SPIB: variants seen among roughly 807,000 people sequenced by gnomAD.
The protein encoded by SPIB is Spi-B transcription factor, also known as transcription factor Spi-B.
Under a neutral mutation model 31.9 loss-of-function variants are expected in SPIB, and 7 were observed. That is an observed-to-expected ratio of 0.22 (90% CI 0.12 to 0.41). The LOEUF is 0.41. Ranked by LOEUF, SPIB falls within the 10% of genes least tolerant of loss-of-function variation. The pLI, the probability that SPIB is intolerant of heterozygous loss-of-function variation, is 1.00. For synonymous variants in SPIB, 176 were observed against 158.9 expected (o/e 1.11, Z -0.81); for missense variants, 327 against 360.2 (o/e 0.91, Z 0.75).
At position 50,428,304 on chromosome 19, in the gene SPIB, A is replaced by G. The variant is rs1394605696; in HGVS notation, c.757A>G (p.Ser253Gly). The change falls in exon 6 of 6, where the codon AGC becomes GGC. Residue 253 changes from serine (S) to glycine (G), a missense_variant. Ser to Gly is a moderately conservative substitution (Grantham distance 56). Around this residue, in one of 4 missense-constraint regions of SPIB, gnomAD observed 25 missense variants for 23.2 expected, o/e 1.08. Transcript: ENST00000595883. This position sits in a 1 kb window ranked among gnomAD's most constrained non-coding sequence, Gnocchi z 6.5. ...VKRKLTYQFD[S>G]ALLPAVRRA is the part of the protein sequence containing the mutation. The stretch of plus-strand genomic sequence containing the variant: ...GCGCAAGCTCACCTACCAGTTCGAC[A>G]GCGCGCTGCTGCCTGCAGTCCGCCG... 5 of 1,549,952 alleles carry G rather than the reference A, an allele frequency of 3.2e-6. No homozygotes were observed. The Admixed American group carries it at 5.9e-5, about 18-fold the overall frequency.
rs1484427217 is a variant in SPIB at position 50,423,327 on chromosome 19, T to G, written c.340-278T>G. The G allele has an allele frequency of 1.7e-5, 9 of 515,574 alleles. No homozygotes were observed. In the East Asian group the frequency reaches 2.8e-4, roughly 16 times the overall value. The allele number at this position is 515,574 out of a possible 1,614,324, so 31.9% of individuals were successfully genotyped here. A position where few individuals can be genotyped will look rare whatever the true frequency, so the allele number is the denominator to read the frequency against. Reference sequence around the variant, plus strand: ...GTAAGCCCTGCAGCGGCCTCCCAGGTTACGTTCCGTTGTTGCCCCTCTGAA... The same window carrying G: ...GTAAGCCCTGCAGCGGCCTCCCAGGGTACGTTCCGTTGTTGCCCCTCTGAA... On this transcript the variant is annotated intron_variant, in intron 4 of 5. Coordinates refer to ENST00000595883, the MANE Select transcript of SPIB (RefSeq NM_003121.5).
intron 5 of SPIB, among the ~76,000 whole-genome samples, chr19:50,426,325 C>G (rs762569460): frequency 6.6e-6 from 1 of 152,024 alleles, no homozygotes; most frequent in Non-Finnish European, 1.5e-5. Flanking sequence ...CATGCAGGGC[C>G]GTCAAGTAGG....
rs2039623016 is a variant in SPIB at position 50,430,158 on chromosome 19, T to TGAGG, written c.*1823_*1826dup. ...GGAACAGGACAGTAGCCTTTCCTAA[T>TGAGG]GAGGCATTTGTTCTCCAATCTGCCC... On this transcript the variant is annotated 3_prime_UTR_variant, in exon 6 of 6. Transcript: ENST00000595883. 6.6e-6 allele frequency: 1 copy of TGAGG among 152,494 alleles called. No homozygotes were observed. Among genetic ancestry groups the TGAGG allele is most frequent in the Middle Eastern group, 3.4e-3 (1 of 294 alleles). 9.4% of individuals were successfully genotyped at this position (152,494 alleles called of 1,614,324 possible). A position where few individuals can be genotyped will look rare whatever the true frequency, so the allele number is the denominator to read the frequency against.
chr19:50,422,597 T>C (rs2039510702), intron 3 of SPIB, 52 bp downstream of exon 3: 2 of 1,589,174 alleles, frequency 1.3e-6, no homozygotes, highest in Admixed American at 1.7e-5. Context: ...ATTTCACAGA[T>C]AGGGGAGCTG....
chr19:50,422,362 T>A, intron 2 of SPIB, 111 bp from the exon 3 acceptor site: 2 of 811,118 alleles, frequency 2.5e-6, no homozygotes, highest in Non-Finnish European at 4.0e-6. Flanking sequence ...CTCTCCAGCA[T>A]CCCCTCTTCT....
chr19:50,421,403 A>G (rs909820252), intron 2 of SPIB, among the ~76,000 whole-genome samples: 6 of 152,032 alleles, frequency 3.9e-5, no homozygotes, highest in Admixed American at 2.0e-4. Flanking sequence ...GCTCACTGCA[A>G]CCTCAGCCTC....
At chr19:50,425,913 A>C (rs2122553772) in intron 5 of SPIB, among the ~76,000 whole-genome samples, 1 of 152,088 alleles carries the variant, frequency 6.6e-6, no homozygotes, top group Admixed American at 6.5e-5. Flanking sequence ...AGGGGGTTTT[A>C]ATTGGTGGGT....
Position 50,422,519 on chromosome 19 carries a change from G to A in SPIB, c.98G>A (p.Ser33Asn). The change falls in exon 3 of 6, where the codon AGC (serine) becomes AAC (asparagine). Residue 33 changes from serine to asparagine, a missense_variant. Ser to Asn is a conservative substitution (Grantham distance 46). Around this residue, in one of 4 missense-constraint regions of SPIB, gnomAD observed 238 missense variants for 228.8 expected, o/e 1.04. Transcript: ENST00000595883. ...GACCTGGACAGCTGCAAGCATTCCA[G>A]CTACCCTGATTCAGAGGGGGCTCCT... The part of the protein sequence containing the change: ...FYDLDSCKHS[S>N]YPDSEGAPDS... The A allele has an allele frequency of 6.2e-7, 1 of 1,614,028 alleles. No homozygotes were observed. The highest frequency in any genetic ancestry group is 8.5e-7 in the Non-Finnish European group (1 of 1,179,966).
At chr19:50,420,784 T>G (rs892715613) in intron 2 of SPIB, among the ~76,000 whole-genome samples, 1 of 152,130 alleles carries the variant, frequency 6.6e-6, no homozygotes, top group African/African-American at 2.4e-5. Context: ...TGTGCCACCA[T>G]GCCCAGCTAA....
At chr19:50,425,248 G>A (rs965774584) in intron 5 of SPIB, among the ~76,000 whole-genome samples, 24 of 151,880 alleles carry the variant, frequency 1.6e-4, no homozygotes, top group Admixed American at 7.2e-4. Context: ...CAGGTGATCC[G>A]CCCGTCTCGG....
At chr19:50,423,167 T>C (rs2039520586) in intron 4 of SPIB, 130 bp downstream of exon 4, 3 of 472,442 alleles carry the variant, frequency 6.3e-6, no homozygotes, top group South Asian at 3.8e-5. Context: ...GGCAATCCAC[T>C]GCACTCCAGT....
intron 5 of SPIB, among the ~76,000 whole-genome samples, chr19:50,427,323 G>C (rs2039577159): frequency 6.6e-6 from 1 of 151,776 alleles, no homozygotes; most frequent in Non-Finnish European, 1.5e-5. Context: ...CCAGGAGTTC[G>C]AGACCAGCCT....
At chr19:50,422,291 ATC>A (rs1324880154) in intron 2 of SPIB, among the ~76,000 whole-genome samples, 180 bp from the exon 3 acceptor site, 4 of 151,966 alleles carry the variant, frequency 2.6e-5, no homozygotes, top group Admixed American at 2.0e-4. Context: ...TACTCTCTGT[ATC>A]TCTGTCTCTT....
chr19:50,423,893 T>C, intron 5 of SPIB, 138 bp downstream of exon 5: 1 of 1,042,618 alleles, frequency 9.6e-7, no homozygotes, highest in Non-Finnish European at 1.4e-6. Context: ...GCTGGCTGTG[T>C]GACCTTGGGT....
intron 2 of SPIB, among the ~76,000 whole-genome samples, chr19:50,421,296 A>G (rs2039490398): frequency 6.6e-6 from 1 of 152,140 alleles, no homozygotes; most frequent in South Asian, 2.1e-4. Flanking sequence ...CACATGATTC[A>G]TGGGGCGAAT....
In SPIB at chr19:50,430,806, C is replaced by CAGGAGG. The variant is rs952760652; in HGVS notation, c.*2481_*2486dup. 1 of 151,926 alleles carries CAGGAGG rather than the reference C, an allele frequency of 6.6e-6. No individual in the cohort carries two copies. Among genetic ancestry groups the CAGGAGG allele is most frequent in the African/African-American group, 2.4e-5 (1 of 41,364 alleles). The allele number at this position is 151,926 out of a possible 1,614,324, so 9.4% of individuals were successfully genotyped here. A position where few individuals can be genotyped will look rare whatever the true frequency, so the allele number is the denominator to read the frequency against. Reference sequence around the variant, plus strand: ...CACCGCCTGAAATCCACCCCACTCCCAGGAGGAGGAGGAGGAAGGAATGCC... The same window carrying CAGGAGG: ...CACCGCCTGAAATCCACCCCACTCCCAGGAGGAGGAGGAGGAGGAGGAAGGAATGCC... On this transcript the variant is annotated 3_prime_UTR_variant, in exon 6 of 6. Transcript: ENST00000595883.
chr19:50,419,325 GCT>G (rs2039455402), intron 1 of SPIB, among the ~76,000 whole-genome samples: 1 of 152,050 alleles, frequency 6.6e-6, no homozygotes, highest in African/African-American at 2.4e-5. Flanking sequence ...GCATCTCCCA[GCT>G]CTCAACATTC....
chr19:50,424,101 G>A (rs8108811), intron 5 of SPIB, among the ~76,000 whole-genome samples: 93,882 of 151,914 alleles, frequency 0.62, 31,941 homozygotes, highest in Non-Finnish European at 0.76. Context: ...CAACAGAAAT[G>A]ATAATGCTAT....
At position 50,423,640 on chromosome 19, in the gene SPIB, C is replaced by A. The variant is rs753955411; in HGVS notation, c.375C>A (p.Ser125Arg). Residue 125 changes from serine (S) to arginine (R), a missense_variant, in exon 5 of 6, where the codon AGC (serine) becomes AGA (arginine). Physicochemically the swap from Ser to Arg is moderately radical, Grantham distance 110 (BLOSUM62 -1). This residue lies in a region of SPIB where 238 missense variants were observed against 228.8 expected (regional missense o/e 1.04). Coordinates refer to ENST00000595883, the MANE Select transcript of SPIB (RefSeq NM_003121.5). ...CCCCGGCATATGCCCCGTACCCCAG[C>A]CCTGTGCTATCAGAGGAGGAAGACT... ...LVPPAYAPYP[S>R]PVLSEEEDLP... 3.7e-6 allele frequency: 6 copies of A among 1,613,970 alleles called. No individual in the cohort carries two copies. Among genetic ancestry groups the A allele is most frequent in the Non-Finnish European group, 5.1e-6 (6 of 1,180,024 alleles).
Sources: allele counts gnomAD v4.1 joint callset (sites outside exome capture counted in the v4.1 genomes callset), GRCh38; gene constraint gnomAD v4.1.1; regional missense constraint gnomAD v4.1.1; non-coding constraint Gnocchi (gnomAD v3.1); transcripts MANE v1.5; gene names NCBI Gene and HGNC (gene_info 2026-07-23, HGNC 2026-07-21).